MAML2: variants seen among roughly 807,000 people sequenced by gnomAD.
The protein encoded by MAML2 is mastermind like transcriptional coactivator 2, also known as mastermind-like protein 2.
MAML2 carries 22 observed loss-of-function variants against 96.1 expected under a neutral mutation model. The observed-to-expected ratio is 0.23, with a 90% confidence interval of 0.16 to 0.33. The LOEUF (loss-of-function observed/expected upper bound fraction) is 0.33. Among genes scored for constraint, MAML2 ranks in the 10% least tolerant of loss-of-function variants. The pLI is 1.00. For missense variants in MAML2, 1,367 were observed against 1,392.4 expected, an observed-to-expected ratio of 0.98 and a Z score of 0.29; for synonymous variants, 561 against 521.3, an observed-to-expected ratio of 1.08 and a Z score of -1.04.
chr11:96,038,760 AT>A (rs1422805542), intron 2 of MAML2, among the ~76,000 whole-genome samples: 1 of 152,044 alleles, frequency 6.6e-6, no homozygotes, highest in African/African-American at 2.4e-5. Context: ...ACCTTGCTTA[AT>A]TTTTTTCAAA....
chr11:96,233,399 TTC>T (rs1862323678), intron 1 of MAML2, among the ~76,000 whole-genome samples: 1 of 24,328 alleles, frequency 4.1e-5, no homozygotes, highest in Non-Finnish European at 9.1e-5. Context: ...TACTCTTAAA[TTC>T]TTTTTTTTTT....
intron 1 of MAML2, among the ~76,000 whole-genome samples, chr11:96,206,289 A>G (rs1861894713): frequency 6.6e-6 from 1 of 152,198 alleles, no homozygotes; most frequent in African/African-American, 2.4e-5. Flanking sequence ...AGTGTTTATA[A>G]TTGCAGAGAT....
At chr11:96,318,295 C>T (rs941823798) in intron 1 of MAML2, among the ~76,000 whole-genome samples, 20 of 152,176 alleles carry the variant, frequency 1.3e-4, no homozygotes, top group African/African-American at 4.8e-4. Context: ...AGTCAAGCAA[C>T]ATGCCCAAGG....
chr11:96,319,071 A>G (rs1347073539), intron 1 of MAML2, among the ~76,000 whole-genome samples: 2 of 152,246 alleles, frequency 1.3e-5, no homozygotes, highest in Non-Finnish European at 2.9e-5. Context: ...TGTGGCTTCT[A>G]TACTGATCTC....
At chr11:96,155,508 A>AT in intron 1 of MAML2, among the ~76,000 whole-genome samples, 2 of 69,168 alleles carry the variant, frequency 2.9e-5, no homozygotes, top group Admixed American at 3.5e-4. Flanking sequence ...GTAACAATTC[A>AT]AATATATATA....
intron 1 of MAML2, among the ~76,000 whole-genome samples, chr11:96,094,624 C>A (rs1859793415): frequency 6.6e-6 from 1 of 152,106 alleles, no homozygotes; most frequent in South Asian, 2.1e-4. Flanking sequence ...CAGAGAAAGT[C>A]TTAAGGGCCA....
chr11:96,199,070 C>T (rs1350742352), intron 1 of MAML2, among the ~76,000 whole-genome samples: 4 of 151,770 alleles, frequency 2.6e-5, no homozygotes, highest in African/African-American at 7.3e-5. Flanking sequence ...TGCTGGCGGG[C>T]GCCTGTAATC....
intron 2 of MAML2, among the ~76,000 whole-genome samples, chr11:96,012,248 T>C (rs1012308183): frequency 6.6e-6 from 1 of 152,224 alleles, no homozygotes; most frequent in Non-Finnish European, 1.5e-5. Flanking sequence ...AACAGCGGCT[T>C]ACATCAACTG....
chr11:96,040,377 T>C (rs1434700353), intron 2 of MAML2, among the ~76,000 whole-genome samples: 1 of 152,192 alleles, frequency 6.6e-6, no homozygotes, highest in East Asian at 1.9e-4. Context: ...CAGAAAAGTA[T>C]CATATCATTA....
At chr11:96,038,524 A>G (rs1858755094) in intron 2 of MAML2, among the ~76,000 whole-genome samples, 2 of 152,240 alleles carry the variant, frequency 1.3e-5, no homozygotes, top group Non-Finnish European at 2.9e-5. Flanking sequence ...TCTCATCCAA[A>G]GCAATGTGCT....
chr11:96,243,544 C>A (rs1159634217), intron 1 of MAML2, among the ~76,000 whole-genome samples: 20 of 152,224 alleles, frequency 1.3e-4, no homozygotes, highest in Admixed American at 1.3e-3. Context: ...AATCCACAGC[C>A]TTTTCTCATC....
At chr11:96,064,239 C>G (rs1859211335) in intron 2 of MAML2, among the ~76,000 whole-genome samples, 1 of 152,188 alleles carries the variant, frequency 6.6e-6, no homozygotes, top group Admixed American at 6.5e-5. Flanking sequence ...AATGAACCAT[C>G]TGTGTTCCTG....
intron 1 of MAML2, among the ~76,000 whole-genome samples, chr11:96,276,104 C>G (rs1862984876): frequency 6.6e-6 from 1 of 152,154 alleles, no homozygotes; most frequent in Non-Finnish European, 1.5e-5. Context: ...AAAACAGGTA[C>G]AGAATCTATA....
intron 1 of MAML2, among the ~76,000 whole-genome samples, chr11:96,271,537 G>A (rs1862915209): frequency 6.6e-6 from 1 of 152,182 alleles, no homozygotes; most frequent in Admixed American, 6.5e-5. Flanking sequence ...TTACCTCCAT[G>A]CTGTTCTCAT....
chr11:96,207,947 A>G (rs1030282833), intron 1 of MAML2, among the ~76,000 whole-genome samples: 1 of 152,200 alleles, frequency 6.6e-6, no homozygotes, highest in Admixed American at 6.5e-5. Context: ...GTGTATATTC[A>G]GAGAGGAAGC....
At chr11:96,237,579 C>T (rs757925680) in intron 1 of MAML2, among the ~76,000 whole-genome samples, 27 of 152,160 alleles carry the variant, frequency 1.8e-4, no homozygotes, top group Non-Finnish European at 3.1e-4. Flanking sequence ...ACATAGTGGA[C>T]ATCCAAAAAA....
intron 1 of MAML2, among the ~76,000 whole-genome samples, chr11:96,178,321 T>G (rs1398306725): frequency 6.6e-6 from 1 of 152,136 alleles, no homozygotes; most frequent in African/African-American, 2.4e-5. Context: ...TTGTTTTTAA[T>G]GCCCGTGGAG....
intron 1 of MAML2, among the ~76,000 whole-genome samples, chr11:96,167,122 T>A (rs1188687290): frequency 6.6e-6 from 1 of 152,222 alleles, no homozygotes; most frequent in Non-Finnish European, 1.5e-5. Context: ...TTTAACTCTC[T>A]CCACCTCATA....
At chr11:96,291,571 C>T (rs781353726) in intron 1 of MAML2, among the ~76,000 whole-genome samples, 3 of 152,152 alleles carry the variant, frequency 2.0e-5, no homozygotes, top group Non-Finnish European at 4.4e-5. Flanking sequence ...CTTCTCTTCT[C>T]ATTTTAGAGA....
Sources: allele counts gnomAD v4.1 joint callset (sites outside exome capture counted in the v4.1 genomes callset), GRCh38; gene constraint gnomAD v4.1.1; transcripts MANE v1.5; gene names NCBI Gene and HGNC (gene_info 2026-07-23, HGNC 2026-07-21).